The following DGKB variants were observed in gnomAD, a reference collection of about 807,000 sequenced individuals.
DGKB encodes diacylglycerol kinase beta.
Under a neutral mutation model 114.3 loss-of-function variants are expected in DGKB, and 67 were observed. That is an observed-to-expected ratio of 0.59 (90% CI 0.48 to 0.72). The LOEUF (loss-of-function observed/expected upper bound fraction) is 0.72. DGKB is among the 30% of genes least tolerant of loss of function. The pLI, the probability that DGKB is intolerant of heterozygous loss-of-function variation, is 0.00. For synonymous variants in DGKB, 398 were observed against 323.1 expected (o/e 1.23, Z -2.49); for missense variants, 907 against 975.2 (o/e 0.93, Z 0.93).
At chr7:14,209,600 C>A in intron 23 of DGKB, 1 of 459,222 alleles carries the variant, frequency 2.2e-6, no homozygotes, top group South Asian at 1.6e-5. Context: ...CAAAATCTGC[C>A]CCTTAAGAGG....
chr7:14,167,647 G>T (rs1350376098), intron 25 of DGKB, among the ~76,000 whole-genome samples: 6 of 152,008 alleles, frequency 3.9e-5, no homozygotes, highest in Admixed American at 2.0e-4. Flanking sequence ...TGCATTTGGG[G>T]GTATATCATC....
chr7:14,872,351 C>A (rs1482520421), intron 1 of DGKB, among the ~76,000 whole-genome samples: 1 of 152,172 alleles, frequency 6.6e-6, no homozygotes, highest in Non-Finnish European at 1.5e-5. Context: ...AGGCAGCAGA[C>A]TCAGGATCTC....
At chr7:14,493,925 T>TACAAACACACAC (rs201167494) in intron 20 of DGKB, among the ~76,000 whole-genome samples, 56 of 137,722 alleles carry the variant, frequency 4.1e-4, no homozygotes, top group South Asian at 1.2e-3. Flanking sequence ...CATGGTATCA[T>TACAAACACACAC]ACACACACAC....
At chr7:14,447,373 C>A (rs922621586) in intron 21 of DGKB, among the ~76,000 whole-genome samples, 1 of 151,984 alleles carries the variant, frequency 6.6e-6, no homozygotes, top group East Asian at 1.9e-4. Context: ...ATAACTTGGA[C>A]CTCACTAAAC....
intron 1 of DGKB, among the ~76,000 whole-genome samples, chr7:14,943,752 C>A (rs1011594528): frequency 2.0e-5 from 3 of 151,616 alleles, no homozygotes; most frequent in Non-Finnish European, 4.4e-5. Flanking sequence ...ACACAGCTAT[C>A]ATTAAAATTA....
intron 20 of DGKB, among the ~76,000 whole-genome samples, chr7:14,539,161 A>G (rs991812245): frequency 9.2e-5 from 14 of 152,162 alleles, no homozygotes; most frequent in Non-Finnish European, 1.5e-4. Flanking sequence ...TCCAAAACAA[A>G]AACAAAACAA....
intron 21 of DGKB, among the ~76,000 whole-genome samples, chr7:14,374,603 C>A (rs933249300): frequency 6.6e-6 from 1 of 152,122 alleles, no homozygotes; most frequent in African/African-American, 2.4e-5. Flanking sequence ...CTAATTAAAT[C>A]CTACATGATC....
At chr7:14,609,401 T>C (rs190963698) in intron 16 of DGKB, among the ~76,000 whole-genome samples, 18 of 152,128 alleles carry the variant, frequency 1.2e-4, no homozygotes. Context: ...TCAACATGGA[T>C]TAAAAATTTA....
At chr7:14,625,072 T>C (rs1476189381) in intron 14 of DGKB, among the ~76,000 whole-genome samples, 1 of 152,088 alleles carries the variant, frequency 6.6e-6, no homozygotes, top group Non-Finnish European at 1.5e-5. Context: ...GAGATTTCAT[T>C]TATGAAATCC....
intron 13 of DGKB, among the ~76,000 whole-genome samples, chr7:14,660,397 G>A (rs535037267): frequency 6.6e-6 from 1 of 151,944 alleles, no homozygotes; most frequent in African/African-American, 2.4e-5. Context: ...ATTGATTATT[G>A]CCACAATTTC....
At chr7:14,848,378 T>C (rs1006437412) in intron 1 of DGKB, among the ~76,000 whole-genome samples, 1 of 152,146 alleles carries the variant, frequency 6.6e-6, no homozygotes, top group African/African-American at 2.4e-5. Flanking sequence ...AGAACCAGGA[T>C]TGATGAGAAC....
chr7:14,601,600 A>G (rs1216715415), intron 17 of DGKB, among the ~76,000 whole-genome samples: 2 of 152,206 alleles, frequency 1.3e-5, no homozygotes, highest in Non-Finnish European at 2.9e-5. Context: ...CTCTTATTAC[A>G]TCTTACTATA....
chr7:14,678,718 C>T (rs913480118), intron 12 of DGKB, among the ~76,000 whole-genome samples: 1 of 151,960 alleles, frequency 6.6e-6, no homozygotes. Context: ...AGGTGGTATG[C>T]AGCCTGCATT....
chr7:14,172,969 G>A (rs1781229095), intron 25 of DGKB, among the ~76,000 whole-genome samples: 2 of 152,102 alleles, frequency 1.3e-5, no homozygotes, highest in Admixed American at 1.3e-4. Flanking sequence ...GAATAAAATA[G>A]ACTCTGGAGT....
chr7:14,491,241 C>T (rs1427377583), intron 20 of DGKB, among the ~76,000 whole-genome samples: 1 of 151,894 alleles, frequency 6.6e-6, no homozygotes, highest in Non-Finnish European at 1.5e-5. Context: ...CCTATATTGT[C>T]CTCATGTAGT....
intron 20 of DGKB, among the ~76,000 whole-genome samples, chr7:14,490,327 T>C (rs1030332209): frequency 6.6e-6 from 1 of 152,202 alleles, no homozygotes; most frequent in Admixed American, 6.6e-5. Context: ...ATTTCCAAAA[T>C]ATAATTATTT....
Position 14,267,922 on chromosome 7 carries a change from A to G in DGKB, c.2122+70593T>C, listed in dbSNP as rs190133246. On this transcript the variant is annotated intron_variant, in intron 23 of 25. Transcript: ENST00000402815. ...TTTTTCATCAAACTATTTTAGAACA[A>G]TTCTACTAACTAGGTTACAACAAGA... Among the ~76,000 whole-genome samples the G allele has an allele frequency of 2.8e-3, 426 of 152,284 alleles. 3 individuals are homozygous for G. Among genetic ancestry groups the G allele is most frequent in the African/African-American group, 9.8e-3 (406 of 41,562 alleles).
chr7:14,646,518 A>G (rs1414864924), intron 13 of DGKB, among the ~76,000 whole-genome samples: 1 of 152,184 alleles, frequency 6.6e-6, no homozygotes, highest in African/African-American at 2.4e-5. Flanking sequence ...AGAGTATTTC[A>G]TCCAATAGCT....
rs1808411749 is a variant in DGKB at position 14,324,637 on chromosome 7, T to A, written c.2122+13878A>T. Among the ~76,000 whole-genome samples the A allele has an allele frequency of 2.0e-5, 3 of 151,998 alleles. No homozygotes were observed. In the South Asian group the frequency reaches 6.2e-4, roughly 32 times the overall value. ...TCATTACCAGGTGGCAAAAAAACAA[T>A]AATTATACTTTCTACATTTTATAAG... On this transcript the variant is annotated intron_variant, in intron 23 of 25. Transcript: ENST00000402815.
Sources: gnomAD v4.1 joint callset for allele counts (sites outside exome capture counted in the v4.1 genomes callset) on GRCh38, gnomAD v4.1.1 for gene constraint, MANE v1.5 for transcripts, NCBI Gene and HGNC (gene_info 2026-07-23, HGNC 2026-07-21) for gene names.